Variants in PCED1B observed in about 807,000 individuals in gnomAD.
PCED1B encodes the protein PC-esterase domain-containing protein 1B.
For synonymous variants in PCED1B, 251 were observed against 246.1 expected (o/e 1.02, Z -0.19); for missense variants, 573 against 573.9 (o/e 1.00, Z 0.02).
chr12:47,162,793 C>T (rs1941429180), intron 2 of PCED1B, among the ~76,000 whole-genome samples: 1 of 152,222 alleles, frequency 6.6e-6, no homozygotes, highest in Non-Finnish European at 1.5e-5. Context: ...TAATACCTTC[C>T]ACTAGGCCCT....
At chr12:47,168,836 T>C (rs1198835629) in intron 2 of PCED1B, among the ~76,000 whole-genome samples, 1 of 152,206 alleles carries the variant, frequency 6.6e-6, no homozygotes, top group Non-Finnish European at 1.5e-5. Flanking sequence ...CATTCTTTTT[T>C]TCTTATTTCT....
At chr12:47,168,899 G>A (rs1425257302) in intron 2 of PCED1B, among the ~76,000 whole-genome samples, 1 of 151,938 alleles carries the variant, frequency 6.6e-6, no homozygotes, top group Non-Finnish European at 1.5e-5. Context: ...AAAAAGTTAA[G>A]TTTTTTCAAC....
chr12:47,153,553 A>G (rs1941082099), intron 2 of PCED1B, among the ~76,000 whole-genome samples: 1 of 152,156 alleles, frequency 6.6e-6, no homozygotes, highest in Admixed American at 6.5e-5. Flanking sequence ...AGAACTGTGA[A>G]CTGTTAAATA....
intron 1 of PCED1B, among the ~76,000 whole-genome samples, chr12:47,081,118 T>G (rs533311627): frequency 6.6e-6 from 1 of 152,232 alleles, no homozygotes; most frequent in African/African-American, 2.4e-5. Context: ...CGATGGGATT[T>G]GAGTGAGTCA....
chr12:47,176,688 G>A (rs938773783), intron 2 of PCED1B, among the ~76,000 whole-genome samples: 1 of 152,276 alleles, frequency 6.6e-6, no homozygotes, highest in Non-Finnish European at 1.5e-5. Context: ...AGTCATAGGA[G>A]CCTCCAATTT....
At chr12:47,124,168 A>C (rs532650365) in intron 2 of PCED1B, among the ~76,000 whole-genome samples, 109 of 152,152 alleles carry the variant, frequency 7.2e-4, no homozygotes, top group African/African-American at 2.5e-3. Context: ...TGTCCCTAAC[A>C]GTCCCTCCTT....
intron 2 of PCED1B, among the ~76,000 whole-genome samples, chr12:47,171,967 G>A (rs1941757642): frequency 6.6e-6 from 1 of 151,006 alleles, no homozygotes; most frequent in Admixed American, 6.6e-5. Flanking sequence ...TATTTGCATA[G>A]TTGATCTTTC....
At chr12:47,210,755 A>T (rs1461631279) in intron 2 of PCED1B, 1 of 152,124 alleles carries the variant, frequency 6.6e-6, no homozygotes, top group Non-Finnish European at 1.5e-5. Flanking sequence ...ACTGAGCAAC[A>T]CTCTGTCTGA....
At chr12:47,101,392 T>C (rs1447059467) in intron 1 of PCED1B, among the ~76,000 whole-genome samples, 2 of 152,196 alleles carry the variant, frequency 1.3e-5, no homozygotes, top group Non-Finnish European at 2.9e-5. Flanking sequence ...CGTTCGTTTC[T>C]TTTTCAGTAA....
At chr12:47,117,402 G>C (rs80242529) in intron 2 of PCED1B, among the ~76,000 whole-genome samples, 319 of 152,126 alleles carry the variant, frequency 2.1e-3, no homozygotes, top group African/African-American at 7.2e-3. Flanking sequence ...CTGTGTCCAA[G>C]TGTTCTCATT....
At chr12:47,175,327 C>A (rs1031679620) in intron 2 of PCED1B, among the ~76,000 whole-genome samples, 69 of 152,252 alleles carry the variant, frequency 4.5e-4, no homozygotes, top group African/African-American at 1.6e-3. Context: ...CTTTTGGACT[C>A]ATGTTAATTT....
At chr12:47,223,097 G>A (rs563812219) in intron 3 of PCED1B, among the ~76,000 whole-genome samples, 2 of 152,130 alleles carry the variant, frequency 1.3e-5, no homozygotes, top group Non-Finnish European at 2.9e-5. Flanking sequence ...CTGGAAGGGA[G>A]GGAGAAATAA....
chr12:47,177,647 T>C (rs1941966656), intron 2 of PCED1B, among the ~76,000 whole-genome samples: 1 of 152,010 alleles, frequency 6.6e-6, no homozygotes, highest in African/African-American at 2.4e-5. Context: ...GGAGGAATGT[T>C]CCCAAAAGAA....
At chr12:47,141,435 C>T (rs1352530390) in intron 2 of PCED1B, among the ~76,000 whole-genome samples, 3 of 152,120 alleles carry the variant, frequency 2.0e-5, no homozygotes, top group African/African-American at 7.2e-5. Context: ...AGCTACAGCC[C>T]CATTTGGCTT....
intron 3 of PCED1B, among the ~76,000 whole-genome samples, chr12:47,217,523 G>GAAAGGGAA (rs879668082): frequency 8.6e-6 from 1 of 115,656 alleles, no homozygotes; most frequent in Non-Finnish European, 1.7e-5. Context: ...AAAGAAGAAA[G>GAAAGGGAA]AGAAAGAGAG....
At chr12:47,161,843 G>A (rs964701577) in intron 2 of PCED1B, among the ~76,000 whole-genome samples, 6 of 152,208 alleles carry the variant, frequency 3.9e-5, no homozygotes, top group African/African-American at 1.4e-4. Context: ...ATTCACAATA[G>A]CAAAGACTTG....
chr12:47,106,547 G>A (rs1025266715), intron 2 of PCED1B, among the ~76,000 whole-genome samples: 5 of 151,990 alleles, frequency 3.3e-5, no homozygotes, highest in Admixed American at 6.6e-5. Flanking sequence ...ATCAGCAAAC[G>A]CGCCTCTCAA....
At chr12:47,184,765 G>A (rs573009918) in intron 2 of PCED1B, among the ~76,000 whole-genome samples, 1 of 151,660 alleles carries the variant, frequency 6.6e-6, no homozygotes, top group South Asian at 2.1e-4. Context: ...TCAGAACAAA[G>A]ATTAGTCCTT....
chr12:47,181,472 T>C (rs1942094145), intron 2 of PCED1B, among the ~76,000 whole-genome samples: 1 of 151,924 alleles, frequency 6.6e-6, no homozygotes, highest in Non-Finnish European at 1.5e-5. Flanking sequence ...CAAGTGATTC[T>C]CCTGCCTCAG....
Sources: allele counts gnomAD v4.1 joint callset (sites outside exome capture counted in the v4.1 genomes callset), GRCh38; gene constraint gnomAD v4.1.1; transcripts MANE v1.5; gene names NCBI Gene and HGNC (gene_info 2026-07-23, HGNC 2026-07-21).